The following MAGI2 variants were observed in gnomAD, a reference collection of about 807,000 sequenced individuals.
The protein encoded by MAGI2 is membrane-associated guanylate kinase, WW and PDZ domain-containing protein 2.
Under a neutral mutation model 133.3 loss-of-function variants are expected in MAGI2, and 35 were observed. The observed-to-expected ratio is 0.26, with a 90% CI of 0.20 to 0.35. The LOEUF is 0.35. MAGI2 is among the 10% of genes least tolerant of loss of function. The probability of loss-of-function intolerance (pLI) is 1.00; values close to 1 mark genes in which losing one functional copy is unlikely to be tolerated. For synonymous variants in MAGI2, 729 were observed against 710.6 expected (o/e 1.03, Z -0.41); for missense variants, 1,636 against 1,863.4 (o/e 0.88, Z 2.25).
intron 9 of MAGI2, among the ~76,000 whole-genome samples, chr7:78,306,286 G>A (rs1798239201): frequency 6.6e-6 from 1 of 152,172 alleles, no homozygotes; most frequent in African/African-American, 2.4e-5. Flanking sequence ...TCAGTTATGT[G>A]AGTGATGAAC....
At chr7:79,134,882 A>G (rs139255568) in intron 1 of MAGI2, among the ~76,000 whole-genome samples, 34 of 152,320 alleles carry the variant, frequency 2.2e-4, no homozygotes, top group Admixed American at 1.6e-3. Flanking sequence ...GATAATAGAT[A>G]TGATTCCCTG....
At chr7:78,396,771 G>A (rs1435325947) in intron 6 of MAGI2, among the ~76,000 whole-genome samples, 2 of 152,146 alleles carry the variant, frequency 1.3e-5, no homozygotes, top group South Asian at 2.1e-4. Flanking sequence ...TGATTCCTAA[G>A]TGAAGAGGGT....
At chr7:78,638,658 C>T (rs1809937677) in intron 2 of MAGI2, among the ~76,000 whole-genome samples, 2 of 152,178 alleles carry the variant, frequency 1.3e-5, no homozygotes, top group Admixed American at 6.5e-5. Flanking sequence ...CAGATCAACA[C>T]TGCATTCTCA....
intron 1 of MAGI2, among the ~76,000 whole-genome samples, chr7:79,060,750 T>C (rs1047502742): frequency 6.6e-6 from 1 of 152,132 alleles, no homozygotes. Flanking sequence ...TTCAGGGTTA[T>C]GGCCTTGCTG....
At chr7:79,218,653 A>G (rs902804146) in intron 1 of MAGI2, among the ~76,000 whole-genome samples, 2 of 152,112 alleles carry the variant, frequency 1.3e-5, no homozygotes, top group African/African-American at 4.8e-5. Context: ...ATTTTATTAT[A>G]CTGCATTGTA....
At chr7:78,500,412 AG>A (rs1794515622) in intron 5 of MAGI2, among the ~76,000 whole-genome samples, 1 of 152,190 alleles carries the variant, frequency 6.6e-6, no homozygotes, top group East Asian at 1.9e-4. Flanking sequence ...TGAGAGGATA[AG>A]GGTTGTTCAT....
In MAGI2 at chr7:79,066,371, G is replaced by C. The variant is rs112117888; in HGVS notation, c.302-59165C>G. Among the ~76,000 whole-genome samples, 701 of 148,016 alleles carry C rather than the reference G, an allele frequency of 4.7e-3. 8 individuals are homozygous for C. Among genetic ancestry groups the C allele is most frequent in the African/African-American group, 0.016 (657 of 39,896 alleles). On this transcript the variant is annotated intron_variant, in intron 1 of 21. Coordinates refer to ENST00000354212, the MANE Select transcript of MAGI2 (RefSeq NM_012301.4). The stretch of plus-strand genomic sequence containing the variant: ...GTTGACTGCATAAATGTCTTCTTTT[G>C]AGAAGTGTCTGTTCATATCCTTCAC...
intron 2 of MAGI2, among the ~76,000 whole-genome samples, chr7:78,854,366 G>C (rs1442111898): frequency 1.3e-5 from 2 of 151,990 alleles, no homozygotes; most frequent in Non-Finnish European, 2.9e-5. Flanking sequence ...TAGGAACCTT[G>C]TTTTATAATT....
intron 1 of MAGI2, among the ~76,000 whole-genome samples, chr7:79,040,657 C>G (rs565517322): frequency 2.6e-4 from 40 of 152,158 alleles, no homozygotes; most frequent in Non-Finnish European, 5.0e-4. Context: ...GGGTGGTTTT[C>G]CTCATGCTGT....
At position 79,074,593 on chromosome 7, in the gene MAGI2, T is replaced by C. The variant is rs549683429; in HGVS notation, c.302-67387A>G. ...TGTAAAGATGTTTACTCAGCTCAAA[T>C]GGTTGGCTGAAAGGAAGTACTATGA... On this transcript the variant is annotated intron_variant, in intron 1 of 21. Coordinates refer to ENST00000354212, the MANE Select transcript of MAGI2 (RefSeq NM_012301.4). Among the ~76,000 whole-genome samples the C allele has an allele frequency of 1.4e-4, 21 of 152,316 alleles. 1 individual carries two copies. In the South Asian group the frequency reaches 3.7e-3, roughly 27 times the overall value.
intron 21 of MAGI2, among the ~76,000 whole-genome samples, chr7:78,070,170 CACACATATATATATATATATATAT>C (rs1563079639): frequency 3.5e-5 from 3 of 86,942 alleles, no homozygotes; most frequent in African/African-American, 4.2e-5. Flanking sequence ...TATACACACA[CACACATATATATATATATATATAT>C]ATATATATAT....
chr7:79,380,208 G>A (rs556077210), intron 1 of MAGI2, among the ~76,000 whole-genome samples: 1 of 151,722 alleles, frequency 6.6e-6, no homozygotes, highest in East Asian at 1.9e-4. Flanking sequence ...GAGTGAACAG[G>A]CAACCTACAG....
rs780495015 is a variant in MAGI2, at chr7:78,135,222, C to T, written c.2846-16G>A. The T allele has an allele frequency of 1.2e-5, 19 of 1,608,416 alleles. No individual in the cohort carries two copies. The highest frequency in any genetic ancestry group is 2.7e-5 in the African/African-American group (2 of 74,834). On this transcript the variant is annotated splice_polypyrimidine_tract_variant and intron_variant, in intron 16 of 21. Coordinates refer to ENST00000354212, the MANE Select transcript of MAGI2 (RefSeq NM_012301.4). ...TGGGGCACAGCTAAAAAAACCCCAA[C>T]AGAAATAGGTATCAGGGACATCACC...
intron 6 of MAGI2, chr7:78,484,110 T>C (rs540957619): frequency 3.9e-5 from 6 of 151,958 alleles, no homozygotes; most frequent in Non-Finnish European, 5.9e-5. Context: ...AACAATGTAA[T>C]TTAGAAACAG....
At chr7:79,344,690 G>T (rs1038986997) in intron 1 of MAGI2, among the ~76,000 whole-genome samples, 4 of 152,142 alleles carry the variant, frequency 2.6e-5, no homozygotes, top group African/African-American at 9.7e-5. Context: ...GGATGCTTTG[G>T]TGGATGGAAG....
At chr7:79,171,417 A>G (rs1400323647) in intron 1 of MAGI2, among the ~76,000 whole-genome samples, 1 of 151,880 alleles carries the variant, frequency 6.6e-6, no homozygotes, top group Non-Finnish European at 1.5e-5. Flanking sequence ...CCAATGACCC[A>G]ATTTCCAATA....
Position 78,466,969 on chromosome 7 carries a change from C to T in MAGI2, c.1045+22792G>A, listed in dbSNP as rs971011257. On this transcript the variant is annotated intron_variant, in intron 6 of 21. Coordinates refer to ENST00000354212, the MANE Select transcript of MAGI2 (RefSeq NM_012301.4). Reference sequence around the variant, plus strand: ...ATCTGTCCCGGTGATATACTTTTCCCAAATTCACACAAAAGCACAGAATAA... The same window carrying T: ...ATCTGTCCCGGTGATATACTTTTCCTAAATTCACACAAAAGCACAGAATAA... Among the ~76,000 whole-genome samples the T allele has an allele frequency of 1.2e-4, 18 of 152,180 alleles. No individual in the cohort carries two copies. The South Asian group carries it at 3.5e-3, about 30-fold the overall frequency.
intron 1 of MAGI2, among the ~76,000 whole-genome samples, chr7:79,223,045 T>C (rs1272665848): frequency 7.2e-5 from 11 of 151,874 alleles, no homozygotes; most frequent in Admixed American, 7.2e-4. Flanking sequence ...CTACCGCTCC[T>C]GGCTAATTTT....
At chr7:79,340,430 T>C (rs1840802656) in intron 1 of MAGI2, among the ~76,000 whole-genome samples, 1 of 152,156 alleles carries the variant, frequency 6.6e-6, no homozygotes, top group South Asian at 2.1e-4. Context: ...TCTGGAGTTC[T>C]TGCACTTATG....
Sources: gnomAD v4.1 joint callset for allele counts (sites outside exome capture counted in the v4.1 genomes callset) on GRCh38, gnomAD v4.1.1 for gene constraint, MANE v1.5 for transcripts, NCBI Gene and HGNC (gene_info 2026-07-23, HGNC 2026-07-21) for gene names.